NBEAL2: variants seen among roughly 807,000 people sequenced by gnomAD.
The protein encoded by NBEAL2 is neurobeachin like 2.
A neutral mutation model predicts 299.8 loss-of-function variants in NBEAL2; 160 were observed. The observed-to-expected ratio is 0.53, with a 90% CI of 0.47 to 0.61. NBEAL2 has a LOEUF of 0.61. Ranked by LOEUF, NBEAL2 falls within the 20% of genes least tolerant of loss-of-function variation. The pLI, the probability that NBEAL2 is intolerant of heterozygous loss-of-function variation, is 0.00. For missense variants in NBEAL2, 3,112 were observed against 3,649.0 expected (o/e 0.85, Z 3.79); for synonymous variants, 1,493 against 1,542.3 (o/e 0.97, Z 0.75).
chr3:46,994,148 G>T, intron 11 of NBEAL2, 128 bp downstream of exon 11: 1 of 938,338 alleles, frequency 1.1e-6, no homozygotes, highest in Non-Finnish European at 1.6e-6. Context: ...GAGCTGGGAG[G>T]TGACTGCCCT....
intron 19 of NBEAL2, 52 bp downstream of exon 19, chr3:46,997,485 G>A (rs1454410270): frequency 6.3e-7 from 1 of 1,593,522 alleles, no homozygotes; most frequent in African/African-American, 1.3e-5. Context: ...GCATGGTAGG[G>A]GGGTGGAATG....
Position 47,007,872 on chromosome 3 carries a change from C to T in NBEAL2, c.7564C>T (p.Arg2522Trp), listed in dbSNP as rs772546336. The change falls in exon 49 of 54, where the codon CGG (arginine) becomes TGG (tryptophan). Residue 2522 changes from arginine (R) to tryptophan (W), a missense_variant. Arg to Trp is a moderately radical substitution (Grantham distance 101, BLOSUM62 -3). Transcript: ENST00000450053. The part of the protein sequence containing the change: ...TCGIYLISGS[R>W]DTTCMVWRLL... The stretch of plus-strand genomic sequence containing the variant: ...TGGCATCTACCTCATCTCAGGCTCC[C>T]GGGACACCACGTGCATGGTGTGGCG... 13 of 1,613,424 alleles carry T rather than the reference C, an allele frequency of 8.1e-6. No individual in the cohort carries two copies. Among genetic ancestry groups the T allele is most frequent in the Admixed American group, 3.3e-5 (2 of 59,956 alleles).
rs370572691 is a variant in NBEAL2, at chr3:47,003,943, G to A, written c.5848G>A (p.Asp1950Asn). 1.5e-5 allele frequency: 25 copies of A among 1,613,538 alleles called. No individual in the cohort carries two copies. The highest frequency in any genetic ancestry group is 2.0e-5 in the Non-Finnish European group (24 of 1,179,726). The change falls in exon 36 of 54, where the codon GAT (aspartate) becomes AAT (asparagine). Residue 1950 changes from aspartate to asparagine, a missense_variant. Asp to Asn is a conservative substitution (Grantham distance 23). Transcript: ENST00000450053. The surrounding 1 kb of genome is among the most constrained non-coding windows in gnomAD (Gnocchi z 7.0). Reference sequence around the variant, plus strand: ...CACCACACAGAATGTATACTTCTACGATGGCAGCACTGAGCGCGTGGAAAC... The same window carrying A: ...CACCACACAGAATGTATACTTCTACAATGGCAGCACTGAGCGCGTGGAAAC... ...EVTTQNVYFY[D>N]GSTERVETEE...
At chr3:46,984,149 A>AT (rs1553655105) in intron 1 of NBEAL2, among the ~76,000 whole-genome samples, 3 of 35,382 alleles carry the variant, frequency 8.5e-5, no homozygotes, top group Non-Finnish European at 1.7e-4. Flanking sequence ...AAAAAAAAAA[A>AT]AAAAAAATTA....
At position 46,989,187 on chromosome 3, in the gene NBEAL2, G is replaced by A; in HGVS notation, c.351+21G>A. 6.2e-7 allele frequency: 1 copy of A among 1,613,678 alleles called. No individual in the cohort carries two copies. The highest frequency in any genetic ancestry group is 1.1e-5 in the South Asian group (1 of 91,042). ...CGGAGGTGAAGTGGCCTCTACCTTG[G>A]GGGGCAGAGGGTGTATGCAGGGAGG... is the stretch of plus-strand genomic sequence containing the variant. On this transcript the variant is annotated intron_variant, in intron 4 of 53. Coordinates refer to ENST00000450053, the MANE Select transcript of NBEAL2 (RefSeq NM_015175.3). The surrounding 1 kb of genome is among the most constrained non-coding windows in gnomAD (Gnocchi z 5.5).
chr3:46,979,875 A>T lies in NBEAL2; in HGVS notation c.14A>T (p.Glu5Val). 1 of 470,052 alleles carries T rather than the reference A, an allele frequency of 2.1e-6. No individual in the cohort carries two copies. The highest frequency in any genetic ancestry group is 3.6e-5 in the South Asian group (1 of 27,808). 29.1% of individuals were successfully genotyped at this position (470,052 alleles called of 1,614,324 possible). A position where few individuals can be genotyped will look rare whatever the true frequency, so the allele number is the denominator to read the frequency against. ...CCGGGCCGGGCCATGGCCGCCTCGG[A>T]GCGGCTGTACGAGTTGTGGCTGCTC... is the stretch of plus-strand genomic sequence containing the variant. Reference protein sequence around the residue: MAASERLYELWLLYY... With the variant: MAASVRLYELWLLYY... The change falls in exon 1 of 54, where the codon GAG (glutamate) becomes GTG (valine). Residue 5 changes from glutamate (E) to valine (V), a missense_variant. Around this residue, in one of 3 missense-constraint regions of NBEAL2, gnomAD observed 2,243 missense variants for 2,538.1 expected, o/e 0.88. Coordinates refer to ENST00000450053, the MANE Select transcript of NBEAL2 (RefSeq NM_015175.3).
At chr3:46,980,347 G>A (rs62246379) in intron 1 of NBEAL2, among the ~76,000 whole-genome samples, 20,190 of 152,184 alleles carry the variant, frequency 0.13, 1,771 homozygotes, top group Non-Finnish European at 0.2. Flanking sequence ...GGCCTGATTG[G>A]GTGGTCGTGG....
chr3:46,982,556 G>A lies in NBEAL2; in HGVS notation c.51+2644G>A, dbSNP rs1316384913. 6.6e-6 allele frequency among the ~76,000 whole-genome samples: 1 copy of A among 152,190 alleles called. No homozygotes were observed. The highest frequency in any genetic ancestry group is 1.5e-5 in the Non-Finnish European group (1 of 68,042). On this transcript the variant is annotated intron_variant, in intron 1 of 53. Coordinates refer to ENST00000450053, the MANE Select transcript of NBEAL2 (RefSeq NM_015175.3). This position sits in a 1 kb window ranked among gnomAD's most constrained non-coding sequence, Gnocchi z 4.2. ...CATCCCAGGACTTCACTCAGTTGGA[G>A]CTCCTTAGGGCCCTGGTGGGGAAAC... is the stretch of plus-strand genomic sequence containing the variant.
Position 47,009,595 on chromosome 3 carries a change from G to A in NBEAL2, c.*275G>A, listed in dbSNP as rs527895156. 4.3e-6 allele frequency: 2 copies of A among 467,966 alleles called. No homozygotes were observed. Among genetic ancestry groups the A allele is most frequent in the South Asian group, 3.4e-5 (1 of 29,626 alleles). The allele number at this position is 467,966 out of a possible 1,614,324, so 29.0% of individuals were successfully genotyped here. On this transcript the variant is annotated 3_prime_UTR_variant, in exon 54 of 54. Transcript: ENST00000450053. The stretch of plus-strand genomic sequence containing the variant: ...GCACAGTCTGGGGCGGGGTTCCCCG[G>A]CTTCCAAGTCGCTGTTTCGTCAAAG...
rs776391524 is a variant in NBEAL2 at position 47,006,203 on chromosome 3, C to G, written c.6958C>G (p.Arg2320Gly). The G allele has an allele frequency of 6.2e-7, 1 of 1,613,860 alleles. No individual in the cohort carries two copies. The highest frequency in any genetic ancestry group is 1.1e-5 in the South Asian group (1 of 91,086). Reference protein sequence around the residue: ...DLDHVTDERERKALEGIISNF... With the variant: ...DLDHVTDEREGKALEGIISNF... ...GGACCATGTGACAGATGAGCGGGAA[C>G]GGAAGGCTCTGGAGGGCATTATCAG... The change falls in exon 44 of 54, where the codon CGG (arginine) becomes GGG (glycine). Residue 2320 changes from arginine (R) to glycine (G), a missense_variant. Coordinates refer to ENST00000450053, the MANE Select transcript of NBEAL2 (RefSeq NM_015175.3).
intron 1 of NBEAL2, among the ~76,000 whole-genome samples, chr3:46,980,703 C>G (rs1199805955): frequency 2.0e-5 from 3 of 152,136 alleles, no homozygotes; most frequent in Non-Finnish European, 4.4e-5. Flanking sequence ...AGGGGAGTGA[C>G]TCAGACGTGG....
chr3:46,994,569 T>C lies in NBEAL2; in HGVS notation c.1296+16T>C. On this transcript the variant is annotated intron_variant, in intron 12 of 53. Transcript: ENST00000450053. The stretch of plus-strand genomic sequence containing the variant: ...GCTCAACATGGTGAGGGAAGGGGCT[T>C]GGGACCAGGGTCCCAAAGGCAACCA... 1 of 1,561,324 alleles carries C rather than the reference T, an allele frequency of 6.4e-7. No homozygotes were observed. The highest frequency in any genetic ancestry group is 8.7e-7 in the Non-Finnish European group (1 of 1,151,108).
intron 11 of NBEAL2, 96 bp from the exon 12 acceptor site, chr3:46,994,359 C>G: frequency 8.4e-7 from 1 of 1,188,482 alleles, no homozygotes; most frequent in Non-Finnish European, 1.2e-6. Flanking sequence ...GCAAGGGAAC[C>G]CCAAAACATG....
chr3:46,998,114 G>T lies in NBEAL2; in HGVS notation c.3006G>T (p.Leu1002=). 1 of 1,586,166 alleles carries T rather than the reference G, an allele frequency of 6.3e-7. No individual in the cohort carries two copies. Among genetic ancestry groups the T allele is most frequent in the South Asian group, 1.1e-5 (1 of 87,216 alleles). ...MDMNVLMSAQ[L]LMEQVAAEGS... Reference sequence around the variant, plus strand: ...TGAACGTGCTCATGTCCGCCCAGCTGCTGATGGAGCAGGTGGCAGCTGAGG... The same window carrying T: ...TGAACGTGCTCATGTCCGCCCAGCTTCTGATGGAGCAGGTGGCAGCTGAGG... The change falls in exon 21 of 54, where the codon CTG becomes CTT. Residue 1002 remains leucine (L), a synonymous_variant. Coordinates refer to ENST00000450053, the MANE Select transcript of NBEAL2 (RefSeq NM_015175.3).
rs2037387160 is a variant in NBEAL2 at position 47,005,726 on chromosome 3, C to A, written c.6692-12C>A. The A allele has an allele frequency of 4.3e-6, 7 of 1,613,076 alleles. No homozygotes were observed. The highest frequency in any genetic ancestry group is 2.2e-5 in the South Asian group (2 of 91,062). ...TGGACAGGGAGACAGCTGACCCAGT[C>A]CTCTGTGCCAGGTTTTGACCTGGGC... On this transcript the variant is annotated splice_polypyrimidine_tract_variant and intron_variant, in intron 41 of 53. Transcript: ENST00000450053.
At chr3:47,006,981 G>C in intron 45 of NBEAL2, 85 bp from the exon 46 acceptor site, 1 of 1,165,080 alleles carries the variant, frequency 8.6e-7, no homozygotes, top group East Asian at 2.5e-5. Flanking sequence ...GGGACTGACA[G>C]TAAAGGAAGG....
In NBEAL2 at chr3:46,988,687, C is replaced by T; in HGVS notation, c.70C>T (p.Gln24Ter). 2 of 1,613,932 alleles carry T rather than the reference C, an allele frequency of 1.2e-6. No individual in the cohort carries two copies. Among genetic ancestry groups the T allele is most frequent in the Non-Finnish European group, 1.7e-6 (2 of 1,179,826 alleles). ...CCTACAGAAGGACCTGGGTTACCTG[C>T]AGCAGTGGCTGAAGGCCTTTGTAGG... ...YYAQKDLGYL[Q>*]QWLKAFVGAF... The change falls in exon 2 of 54, where the codon CAG becomes TAG. Residue 24 changes from glutamine (Q) to a stop codon, truncating the protein, a stop_gained. Coordinates refer to ENST00000450053, the MANE Select transcript of NBEAL2 (RefSeq NM_015175.3). LOFTEE classifies it high-confidence loss of function. The surrounding 1 kb of genome is among the most constrained non-coding windows in gnomAD (Gnocchi z 4.4).
intron 6 of NBEAL2, among the ~76,000 whole-genome samples, chr3:46,990,696 C>T (rs932585138): frequency 2.6e-5 from 4 of 152,206 alleles, no homozygotes; most frequent in African/African-American, 4.8e-5. Context: ...GTTTTGCTGG[C>T]GCAGGGCCAG....
In NBEAL2 at chr3:46,995,705, TGCCCCC is replaced by T. The variant is rs2036444950; in HGVS notation, c.1899-8_1899-3del. 3 of 1,612,868 alleles carry T rather than the reference TGCCCCC, an allele frequency of 1.9e-6. No homozygotes were observed. Among genetic ancestry groups the T allele is most frequent in the Middle Eastern group, 3.3e-4 (2 of 6,082 alleles). ...AACAAGCAGACATAACTGGCTTGCC[TGCCCCC>T]AGCTTCTTTACCAGCAGCGGCTCAG... is the stretch of plus-strand genomic sequence containing the variant. On this transcript the variant is annotated splice_region_variant and splice_polypyrimidine_tract_variant and intron_variant, in intron 13 of 53. Transcript: ENST00000450053.
Sources: gnomAD v4.1 joint callset for allele counts (sites outside exome capture counted in the v4.1 genomes callset) on GRCh38, gnomAD v4.1.1 for gene constraint, gnomAD v4.1.1 regional missense constraint, Gnocchi (gnomAD v3.1) non-coding constraint, MANE v1.5 for transcripts, NCBI Gene and HGNC (gene_info 2026-07-23, HGNC 2026-07-21) for gene names.